The following ZBBX variants were observed in gnomAD, a reference collection of about 807,000 sequenced individuals.
The protein encoded by ZBBX is zinc finger B-box domain-containing protein 1.
Under a neutral mutation model 108.5 loss-of-function variants are expected in ZBBX, and 101 were observed. The ratio of observed to expected loss-of-function variants is 0.93; its 90% CI spans 0.79 to 1.10. The LOEUF (loss-of-function observed/expected upper bound fraction) is 1.10. Among genes scored for constraint, ZBBX ranks in the 50% least tolerant of loss-of-function variants. The pLI, the probability that ZBBX is intolerant of heterozygous loss-of-function variation, is 0.00. For missense variants in ZBBX, 1,009 were observed against 941.4 expected, an observed-to-expected ratio of 1.07 and a Z score of -0.94; for synonymous variants, 356 against 323.4, an observed-to-expected ratio of 1.10 and a Z score of -1.08.
upstream of ZBBX, among the ~76,000 whole-genome samples, chr3:167,381,579 A>G (rs973736182): frequency 2.4e-4 from 37 of 152,304 alleles, no homozygotes; most frequent in African/African-American, 8.7e-4. Context: ...TTAATACAAG[A>G]ACTAGTTTCA....
At chr3:167,190,724 A>G in the ZBBX span, among the ~76,000 whole-genome samples, 3 of 152,166 alleles carry the variant, frequency 2.0e-5, no homozygotes, top group African/African-American at 4.8e-5. Context: ...GAGATTATCA[A>G]CTTGGTCAGC....
At chr3:167,257,271 C>A (rs1232625501) in intron 20 of ZBBX, among the ~76,000 whole-genome samples, 1 of 152,082 alleles carries the variant, frequency 6.6e-6, no homozygotes, top group Non-Finnish European at 1.5e-5. Context: ...TTGTATCCTG[C>A]AACTTACTGA....
intron 1 of ZBBX, among the ~76,000 whole-genome samples, chr3:167,393,445 T>G (rs55645172): frequency 6.6e-6 from 1 of 151,672 alleles, no homozygotes; most frequent in Non-Finnish European, 1.5e-5. Context: ...GATTTTATCA[T>G]GATCTTGCTT....
At chr3:167,372,545 C>A (rs1438648226) in intron 4 of ZBBX, among the ~76,000 whole-genome samples, 1 of 152,160 alleles carries the variant, frequency 6.6e-6, no homozygotes, top group Non-Finnish European at 1.5e-5. Flanking sequence ...GTAATCCTTA[C>A]TTAACTTTGA....
chr3:167,397,996 CATCTAAAAGAAAA>C (rs1748305040), intron 1 of ZBBX, among the ~76,000 whole-genome samples: 1 of 151,690 alleles, frequency 6.6e-6, no homozygotes, highest in African/African-American at 2.4e-5. Context: ...AGCATCCTAA[CATCTAAAAGAAAA>C]ATGCACACAG....
At chr3:167,263,032 G>GTTTTTTTTTTT (rs1192290285) in intron 20 of ZBBX, among the ~76,000 whole-genome samples, 1 of 111,034 alleles carries the variant, frequency 9.0e-6, no homozygotes, top group African/African-American at 3.3e-5. Context: ...TGCTTTTCTA[G>GTTTTTTTTTTT]TTCTTTTTTT....
At chr3:167,300,607 C>A (rs1281949576) in intron 17 of ZBBX, among the ~76,000 whole-genome samples, 2 of 149,346 alleles carry the variant, frequency 1.3e-5, no homozygotes, top group South Asian at 2.1e-4. Flanking sequence ...CCCCCACCAA[C>A]CCTTTTTTTT....
At position 167,315,766 on chromosome 3, in the gene ZBBX, C is replaced by A; in HGVS notation, c.1258G>T (p.Ala420Ser). Reference protein sequence around the residue: ...IVPYKVKLADADSQRSCAFHD... With the variant: ...IVPYKVKLADSDSQRSCAFHD... ...AGGTTTTACCTTCGTTGACTGTCTG[C>A]ATCAGCTAATTTAACTTTGTAAGGC... Residue 420 changes from alanine to serine, a missense_variant, in exon 15 of 22, where the codon GCA (alanine) becomes TCA (serine). By Grantham distance (99) the Ala-to-Ser change is moderately conservative. Transcript: ENST00000675490. 1 of 1,608,172 alleles carries A rather than the reference C, an allele frequency of 6.2e-7. No homozygotes were observed. Among genetic ancestry groups the A allele is most frequent in the Admixed American group, 1.7e-5 (1 of 59,824 alleles).
At chr3:167,272,056 T>A (rs961229930) in intron 20 of ZBBX, among the ~76,000 whole-genome samples, 2 of 151,980 alleles carry the variant, frequency 1.3e-5, no homozygotes, top group Non-Finnish European at 2.9e-5. Context: ...TCAGGGAGAG[T>A]AGAAAGGATG....
intron 8 of ZBBX, among the ~76,000 whole-genome samples, chr3:167,357,646 C>T (rs1743803862): frequency 1.3e-5 from 2 of 152,126 alleles, no homozygotes; most frequent in Non-Finnish European, 2.9e-5. Context: ...AAATATGGCA[C>T]ATACATACAA....
chr3:167,331,637 CA>C (rs1264707025), intron 10 of ZBBX: 2 of 985,178 alleles, frequency 2.0e-6, no homozygotes, highest in African/African-American at 1.7e-5. Context: ...CGTTTCAGCT[CA>C]AAACTGTCAT....
intron 13 of ZBBX, 150 bp downstream of exon 13, chr3:167,317,338 T>G: frequency 4.6e-6 from 3 of 655,612 alleles, no homozygotes; most frequent in Non-Finnish European, 7.4e-6. Context: ...AAGAAGTGAG[T>G]GTACATGATT....
At chr3:167,243,958 C>T (rs1385635337) in intron 20 of ZBBX, among the ~76,000 whole-genome samples, 1 of 151,934 alleles carries the variant, frequency 6.6e-6, no homozygotes, top group African/African-American at 2.4e-5. Flanking sequence ...GGATTTGGTT[C>T]CTGCTCCCAC....
At chr3:167,257,432 C>T (rs551918695) in intron 20 of ZBBX, among the ~76,000 whole-genome samples, 5 of 152,168 alleles carry the variant, frequency 3.3e-5, no homozygotes, top group African/African-American at 1.2e-4. Flanking sequence ...CTAAAACATA[C>T]AGTACTATGC....
the ZBBX span, among the ~76,000 whole-genome samples, chr3:167,231,658 TA>T: frequency 6.6e-6 from 1 of 151,818 alleles, no homozygotes; most frequent in Non-Finnish European, 1.5e-5. Context: ...CAAAGAAATC[TA>T]TTTTGCAGTG....
intron 2 of ZBBX, among the ~76,000 whole-genome samples, chr3:167,378,748 T>G (rs1036267916): frequency 1.3e-5 from 2 of 149,928 alleles, no homozygotes; most frequent in Non-Finnish European, 2.9e-5. Context: ...TGCTTTCATC[T>G]TTTTTACATA....
intron 2 of ZBBX, among the ~76,000 whole-genome samples, chr3:167,375,544 A>G (rs1746822872): frequency 6.6e-6 from 1 of 152,166 alleles, no homozygotes; most frequent in Middle Eastern, 3.4e-3. Flanking sequence ...GTGGGCCAAG[A>G]TCGCACCACT....
chr3:167,268,889 A>AC (rs1726045183), intron 20 of ZBBX, among the ~76,000 whole-genome samples: 1 of 152,006 alleles, frequency 6.6e-6, no homozygotes, highest in Admixed American at 6.6e-5. Context: ...CCAGGTCCAG[A>AC]CCCCCGTTTA....
intron 18 of ZBBX, among the ~76,000 whole-genome samples, chr3:167,291,047 T>C (rs1576907314): frequency 6.6e-6 from 1 of 151,984 alleles, no homozygotes; most frequent in Admixed American, 6.5e-5. Context: ...CCAAGAAATA[T>C]GGGACTGTGT....
Sources: allele counts gnomAD v4.1 joint callset (sites outside exome capture counted in the v4.1 genomes callset), GRCh38; gene constraint gnomAD v4.1.1; transcripts MANE v1.5; gene names NCBI Gene and HGNC (gene_info 2026-07-23, HGNC 2026-07-21).